The following CFAP54 variants were observed in gnomAD, a reference collection of about 807,000 sequenced individuals.
CFAP54 encodes the protein cilia- and flagella-associated protein 54.
CFAP54 carries 290 observed loss-of-function variants against 370.4 expected under a neutral mutation model. The observed-to-expected ratio is 0.78, with a 90% CI of 0.71 to 0.86. CFAP54 has a LOEUF of 0.86. CFAP54 is among the 40% of genes least tolerant of loss of function. The pLI is 0.00. For missense variants in CFAP54, 3,399 were observed against 3,528.7 expected, an observed-to-expected ratio of 0.96 and a Z score of 0.93; for synonymous variants, 1,206 against 1,236.5, an observed-to-expected ratio of 0.98 and a Z score of 0.52.
chr12:96,654,609 A>G (rs1287570416), intron 36 of CFAP54, among the ~76,000 whole-genome samples: 3 of 151,976 alleles, frequency 2.0e-5, no homozygotes, highest in Non-Finnish European at 4.4e-5. Flanking sequence ...AGTACAGTAC[A>G]TTTTCGTGAA....
At position 96,672,429 on chromosome 12, in the gene CFAP54, A is replaced by C. The variant is rs368843413; in HGVS notation, c.5564-7171A>C. Among the ~76,000 whole-genome samples the C allele has an allele frequency of 7.9e-5, 12 of 152,290 alleles. No individual in the cohort carries two copies. The South Asian group carries it at 1.2e-3, about 16-fold the overall frequency. On this transcript the variant is annotated intron_variant, in intron 39 of 67. Coordinates refer to ENST00000524981, the MANE Select transcript of CFAP54 (RefSeq NM_001306084.2). ...GAAGCAAGGGGCTGCGAGTATAGCCAATATTGATTGGGTTGGAGATTTCAG... is the reference window on the plus strand; with the variant it reads ...GAAGCAAGGGGCTGCGAGTATAGCCCATATTGATTGGGTTGGAGATTTCAG...
At chr12:96,500,784 G>C in intron 1 of CFAP54, 50 bp from the exon 2 acceptor site, 1 of 1,306,746 alleles carries the variant, frequency 7.7e-7, no homozygotes, top group Non-Finnish European at 1.0e-6. Context: ...AAATTAATTG[G>C]GGTTTCCTGC....
intron 39 of CFAP54, among the ~76,000 whole-genome samples, chr12:96,677,266 C>A (rs1406376468): frequency 6.6e-6 from 1 of 152,078 alleles, no homozygotes; most frequent in East Asian, 1.9e-4. Context: ...CCTGCCTCAT[C>A]CTCCCAAAGT....
At chr12:96,631,026 A>G (rs536371967) in intron 32 of CFAP54, among the ~76,000 whole-genome samples, 13 of 152,076 alleles carry the variant, frequency 8.5e-5, no homozygotes, top group African/African-American at 3.1e-4. Context: ...AGTACACATT[A>G]TAAGTACACA....
At chr12:96,720,866 TG>T (rs2136609684) in intron 50 of CFAP54, among the ~76,000 whole-genome samples, 2 of 152,076 alleles carry the variant, frequency 1.3e-5, no homozygotes, top group African/African-American at 4.8e-5. Flanking sequence ...TACTAAAATA[TG>T]AAAATTAACC....
chr12:96,667,534 C>T (rs1957095873), intron 39 of CFAP54, among the ~76,000 whole-genome samples: 2 of 152,226 alleles, frequency 1.3e-5, no homozygotes, highest in African/African-American at 4.8e-5. Flanking sequence ...GAAGCCATGG[C>T]CCGAGCTGTA....
intron 67 of CFAP54, among the ~76,000 whole-genome samples, chr12:96,873,379 C>G (rs1180353920): frequency 1.3e-5 from 2 of 152,174 alleles, no homozygotes; most frequent in Admixed American, 6.5e-5. Context: ...GGGTCATACA[C>G]TAAAGGAAAT....
chr12:96,608,369 A>G (rs1382235148), intron 26 of CFAP54, among the ~76,000 whole-genome samples: 1 of 151,808 alleles, frequency 6.6e-6, no homozygotes, highest in East Asian at 1.9e-4. Context: ...TTATTTTTTG[A>G]TAGAATATAA....
chr12:96,780,444 C>T (rs1042352076), intron 60 of CFAP54, among the ~76,000 whole-genome samples: 4 of 152,084 alleles, frequency 2.6e-5, no homozygotes, highest in African/African-American at 9.7e-5. Context: ...CTTTACAACA[C>T]TGCAGTGTTA....
At position 96,540,900 on chromosome 12, in the gene CFAP54, A is replaced by G. The variant is rs1172973751; in HGVS notation, c.1990A>G (p.Ile664Val). The change falls in exon 14 of 68, where the codon ATT becomes GTT. Residue 664 changes from isoleucine (I) to valine (V), a missense_variant. Ile to Val is a conservative substitution (Grantham distance 29). This residue lies in a region of CFAP54 where 2,796 missense variants were observed against 2,869.7 expected (regional missense o/e 0.97). Coordinates refer to ENST00000524981, the MANE Select transcript of CFAP54 (RefSeq NM_001306084.2). ...IHCYKMEDID[I>V]VVVAEVTLRL... ...CTGCTATAAAATGGAAGACATTGACATTGTGGTAGTGGCAGAAGTCACATT... is the reference window on the plus strand; with the variant it reads ...CTGCTATAAAATGGAAGACATTGACGTTGTGGTAGTGGCAGAAGTCACATT... The G allele has an allele frequency of 1.3e-6, 2 of 1,518,652 alleles. No individual in the cohort carries two copies. The highest frequency in any genetic ancestry group is 2.5e-5 in the East Asian group (1 of 39,962). The allele number at this position is 1,518,652 out of a possible 1,614,324, so 94.1% of individuals were successfully genotyped here. A position where few individuals can be genotyped will look rare whatever the true frequency, so the allele number is the denominator to read the frequency against.
rs1324049678 is a variant in CFAP54 at position 96,757,526 on chromosome 12, CT to C, written c.7979del (p.Leu2660HisfsTer6). The C allele has an allele frequency of 2.5e-6, 4 of 1,597,604 alleles. No individual in the cohort carries two copies. Among genetic ancestry groups the C allele is most frequent in the Non-Finnish European group, 3.4e-6 (4 of 1,168,530 alleles). ...LIRDSYLEMA[L>X]LYFHLKKPKI... ...AAGAGACTCCTACCTAGAAATGGCT[CT>C]ATTGTATTTTCATCTGAAGAAGCCA... On this transcript the variant is annotated frameshift_variant, in exon 58 of 68. Coordinates refer to ENST00000524981, the MANE Select transcript of CFAP54 (RefSeq NM_001306084.2). LOFTEE classifies it high-confidence loss of function.
chr12:96,828,043 T>G (rs544109657), intron 65 of CFAP54, among the ~76,000 whole-genome samples: 14 of 127,596 alleles, frequency 1.1e-4, no homozygotes, highest in African/African-American at 3.9e-4. Context: ...TAATATATAA[T>G]TATATATTAA....
intron 60 of CFAP54, among the ~76,000 whole-genome samples, chr12:96,773,405 A>C (rs534970501): frequency 1.3e-5 from 2 of 152,250 alleles, no homozygotes; most frequent in African/African-American, 4.8e-5. Context: ...CAAGTCTTGC[A>C]TGAATGCACT....
chr12:96,597,157 C>T (rs1592871386), intron 25 of CFAP54, among the ~76,000 whole-genome samples: 1 of 152,084 alleles, frequency 6.6e-6, no homozygotes, highest in Non-Finnish European at 1.5e-5. Flanking sequence ...AGTCCCTCTG[C>T]TAGTAATTTA....
chr12:96,651,707 T>C lies in CFAP54; in HGVS notation c.4992T>C (p.Phe1664=), dbSNP rs771727752. ...AGGCAGTGGATCTTGATAAAACATT[T>C]CCTATTAGCCAAGATGGTTTCCTCT... ...LKQAVDLDKT[F]PISQDGFLCT... is the part of the protein sequence containing the mutation. Residue 1664 remains phenylalanine (F), a synonymous_variant, in exon 36 of 68, where the codon TTT becomes TTC. Transcript: ENST00000524981. 1.2e-5 allele frequency: 20 copies of C among 1,613,820 alleles called. No homozygotes were observed. Among genetic ancestry groups the C allele is most frequent in the Non-Finnish European group, 1.6e-5 (19 of 1,179,832 alleles).
intron 66 of CFAP54, among the ~76,000 whole-genome samples, chr12:96,854,959 G>T (rs1959659252): frequency 6.6e-6 from 1 of 152,160 alleles, no homozygotes; most frequent in African/African-American, 2.4e-5. Context: ...TGGATAATTT[G>T]TAAAGGAAAG....
intron 19 of CFAP54, among the ~76,000 whole-genome samples, chr12:96,572,135 C>T (rs1303564293): frequency 6.6e-6 from 1 of 152,146 alleles, no homozygotes; most frequent in Non-Finnish European, 1.5e-5. Context: ...GTCTTATATT[C>T]CAAACACATT....
At chr12:96,625,015 C>G (rs7971545) in intron 28 of CFAP54, among the ~76,000 whole-genome samples, 64,876 of 151,864 alleles carry the variant, frequency 0.43, 14,233 homozygotes, top group Admixed American at 0.51. Flanking sequence ...GCACAATGAG[C>G]TATAACTAGC....
intron 48 of CFAP54, among the ~76,000 whole-genome samples, chr12:96,712,064 C>T (rs1221944359): frequency 6.6e-6 from 1 of 152,032 alleles, no homozygotes; most frequent in African/African-American, 2.4e-5. Context: ...TCACCCTTTC[C>T]TACTTTTATG....
Sources: gnomAD v4.1 joint callset for allele counts (sites outside exome capture counted in the v4.1 genomes callset) on GRCh38, gnomAD v4.1.1 for gene constraint, gnomAD v4.1.1 regional missense constraint, MANE v1.5 for transcripts, NCBI Gene and HGNC (gene_info 2026-07-23, HGNC 2026-07-21) for gene names.